The following AGMO variants were observed in gnomAD, a reference collection of about 807,000 sequenced individuals.
AGMO encodes glyceryl-ether monooxygenase.
A neutral mutation model predicts 60.2 loss-of-function variants in AGMO; 75 were observed. The ratio of observed to expected loss-of-function variants is 1.25; its 90% CI spans 1.03 to 1.51. AGMO has a LOEUF of 1.51. AGMO is among the 40% of genes most tolerant of loss of function. AGMO has a pLI of 0.00. For missense variants in AGMO, 763 were observed against 525.5 expected (o/e 1.45, Z -4.42); for synonymous variants, 261 against 177.1 (o/e 1.47, Z -3.76).
the AGMO span, among the ~76,000 whole-genome samples, chr7:15,123,416 T>G: frequency 6.6e-6 from 1 of 151,962 alleles, no homozygotes; most frequent in African/African-American, 2.4e-5. Context: ...AAGTGCCTAG[T>G]GTTGTACTTG....
chr7:15,132,636 C>T, the AGMO span, among the ~76,000 whole-genome samples: 1 of 152,158 alleles, frequency 6.6e-6, no homozygotes. Flanking sequence ...AACATGGAGG[C>T]AACTTGTGAC....
chr7:15,498,043 G>A (rs1783280303), intron 3 of AGMO, among the ~76,000 whole-genome samples: 1 of 151,820 alleles, frequency 6.6e-6, no homozygotes, highest in African/African-American at 2.4e-5. Flanking sequence ...ACGATAATTA[G>A]CTCGGTTCCC....
At position 15,200,979 on chromosome 7, in the gene AGMO, T is replaced by G. The variant is rs565266503; in HGVS notation, c.*306A>C. 47 of 216,974 alleles carry G rather than the reference T, an allele frequency of 2.2e-4. No individual in the cohort carries two copies. Among genetic ancestry groups the G allele is most frequent in the African/African-American group, 9.7e-4 (43 of 44,166 alleles). The allele number at this position is 216,974 out of a possible 1,614,324, so 13.4% of individuals were successfully genotyped here. A position where few individuals can be genotyped will look rare whatever the true frequency, so the allele number is the denominator to read the frequency against. On this transcript the variant is annotated 3_prime_UTR_variant, in exon 13 of 13. Transcript: ENST00000342526. ...ATGTAAAGGCAATATTCCTTCTTGT[T>G]TTTACTGTTTTTAAGTTTCATCCCT...
chr7:15,128,964 G>A, the AGMO span, among the ~76,000 whole-genome samples: 1 of 151,954 alleles, frequency 6.6e-6, no homozygotes, highest in Non-Finnish European at 1.5e-5. Flanking sequence ...GCTTTATAGT[G>A]AAAAAAGGAA....
intron 3 of AGMO, among the ~76,000 whole-genome samples, chr7:15,480,236 A>G (rs886376059): frequency 1.3e-5 from 2 of 152,186 alleles, no homozygotes; most frequent in African/African-American, 2.4e-5. Flanking sequence ...GATGGAGTAA[A>G]GAAGCTTCAG....
chr7:15,515,562 T>C (rs570762997), intron 3 of AGMO, among the ~76,000 whole-genome samples: 1 of 152,322 alleles, frequency 6.6e-6, no homozygotes, highest in Admixed American at 6.5e-5. Context: ...ATGTGGAACA[T>C]AAAAGACAAT....
chr7:15,448,602 T>C (rs1781768835), intron 3 of AGMO, among the ~76,000 whole-genome samples: 1 of 128,564 alleles, frequency 7.8e-6, no homozygotes, highest in South Asian at 2.5e-4. Context: ...GATTTCTCCA[T>C]AAAGTTTAAT....
In AGMO at chr7:15,512,233, T is replaced by C. The variant is rs187871449; in HGVS notation, c.409+32539A>G. 1.1e-3 allele frequency among the ~76,000 whole-genome samples: 163 copies of C among 152,240 alleles called. 3 individuals carry two copies. The highest frequency in any genetic ancestry group is 9.7e-4 in the Non-Finnish European group (66 of 68,006). Reference sequence around the variant, plus strand: ...CTCTGTCATACAACACTAATGATGATGTCTGATATTTCTTTTTTAAAATTT... The same window carrying C: ...CTCTGTCATACAACACTAATGATGACGTCTGATATTTCTTTTTTAAAATTT... On this transcript the variant is annotated intron_variant, in intron 3 of 12. Coordinates refer to ENST00000342526, the MANE Select transcript of AGMO (RefSeq NM_001004320.2).
At chr7:15,243,525 G>A (rs563696836) in intron 12 of AGMO, among the ~76,000 whole-genome samples, 12 of 152,168 alleles carry the variant, frequency 7.9e-5, no homozygotes, top group East Asian at 7.7e-4. Flanking sequence ...TAATGTAAAC[G>A]TCACTTGACA....
intron 12 of AGMO, among the ~76,000 whole-genome samples, chr7:15,213,365 G>A (rs752404568): frequency 3.6e-4 from 55 of 150,958 alleles, no homozygotes; most frequent in Admixed American, 8.6e-4. Flanking sequence ...TCAATGCGAG[G>A]GTAGAAATAG....
At chr7:15,299,676 A>G (rs988856717) in intron 12 of AGMO, among the ~76,000 whole-genome samples, 6 of 151,972 alleles carry the variant, frequency 3.9e-5, no homozygotes, top group African/African-American at 1.5e-4. Flanking sequence ...AATACAAAAG[A>G]TATTAGCTGG....
intron 3 of AGMO, among the ~76,000 whole-genome samples, chr7:15,512,085 C>T (rs933666111): frequency 2.0e-5 from 3 of 151,842 alleles, no homozygotes; most frequent in Non-Finnish European, 4.4e-5. Flanking sequence ...ACTATGACTT[C>T]TTTTGTAGCA....
intron 12 of AGMO, among the ~76,000 whole-genome samples, chr7:15,304,791 G>A (rs946143802): frequency 6.6e-6 from 1 of 151,988 alleles, no homozygotes; most frequent in African/African-American, 2.4e-5. Flanking sequence ...ACTGGAAAAT[G>A]ATAAGCCTTC....
chr7:15,145,373 AT>A, the AGMO span, among the ~76,000 whole-genome samples: 2 of 152,328 alleles, frequency 1.3e-5, no homozygotes, highest in East Asian at 3.9e-4. Flanking sequence ...ATAAATGAAA[AT>A]ACTCTTATAG....
At chr7:15,255,949 T>C (rs985430638) in intron 12 of AGMO, among the ~76,000 whole-genome samples, 1 of 152,068 alleles carries the variant, frequency 6.6e-6, no homozygotes, top group African/African-American at 2.4e-5. Context: ...TCAATCTGAA[T>C]AAGAGAGAAG....
the AGMO span, among the ~76,000 whole-genome samples, chr7:15,183,271 A>G: frequency 2.0e-5 from 3 of 152,280 alleles, no homozygotes; most frequent in Middle Eastern, 3.4e-3. Flanking sequence ...AAAGCCCACA[A>G]AACTGGAAGA....
At chr7:15,374,763 T>G (rs1783379040) in intron 10 of AGMO, among the ~76,000 whole-genome samples, 1 of 152,042 alleles carries the variant, frequency 6.6e-6, no homozygotes, top group African/African-American at 2.4e-5. Context: ...AGGAGCTTGG[T>G]GGATTCCCTG....
intron 5 of AGMO, among the ~76,000 whole-genome samples, chr7:15,413,454 T>C (rs1646284471): frequency 6.6e-6 from 1 of 152,112 alleles, no homozygotes; most frequent in Admixed American, 6.6e-5. Flanking sequence ...AACTCCAAAT[T>C]TGATTTTCAA....
chr7:15,240,464 T>C (rs28529743), intron 12 of AGMO, among the ~76,000 whole-genome samples: 2,137 of 152,278 alleles, frequency 0.014, 38 homozygotes, highest in African/African-American at 0.049. Flanking sequence ...TCTAAAAATG[T>C]TCCTTCTATC....
Sources: gnomAD v4.1 joint callset for allele counts (sites outside exome capture counted in the v4.1 genomes callset) on GRCh38, gnomAD v4.1.1 for gene constraint, MANE v1.5 for transcripts, NCBI Gene and HGNC (gene_info 2026-07-23, HGNC 2026-07-21) for gene names.